The following MAGI2 variants were observed in gnomAD, a reference collection of about 807,000 sequenced individuals.
MAGI2 encodes the protein membrane associated guanylate kinase, WW and PDZ domain containing 2, also known as membrane-associated guanylate kinase, WW and PDZ domain-containing protein 2.
In MAGI2, 35 loss-of-function variants were observed where a neutral mutation model predicts 133.3. The ratio of observed to expected loss-of-function variants is 0.26; its 90% CI spans 0.20 to 0.35. The LOEUF (loss-of-function observed/expected upper bound fraction) is 0.35. MAGI2 is among the 10% of genes least tolerant of loss of function. The probability of loss-of-function intolerance (pLI) is 1.00; values close to 1 mark genes in which losing one functional copy is unlikely to be tolerated. For synonymous variants in MAGI2, 729 were observed against 710.6 expected, an observed-to-expected ratio of 1.03 and a Z score of -0.41; for missense variants, 1,636 against 1,863.4, an observed-to-expected ratio of 0.88 and a Z score of 2.25.
At chr7:78,360,942 T>C (rs1792716958) in intron 7 of MAGI2, among the ~76,000 whole-genome samples, 1 of 152,180 alleles carries the variant, frequency 6.6e-6, no homozygotes, top group African/African-American at 2.4e-5. Context: ...CTGCCCTCTC[T>C]TCCTGGGACG....
intron 3 of MAGI2, among the ~76,000 whole-genome samples, chr7:78,550,142 T>A (rs1296895184): frequency 6.6e-6 from 1 of 152,166 alleles, no homozygotes; most frequent in East Asian, 1.9e-4. Context: ...TCTTGGACTT[T>A]CCAGCCTCCA....
At chr7:78,261,753 G>A (rs1219150262) in intron 9 of MAGI2, among the ~76,000 whole-genome samples, 1 of 152,056 alleles carries the variant, frequency 6.6e-6, no homozygotes, top group African/African-American at 2.4e-5. Flanking sequence ...TATTTTTAAA[G>A]TTTCCTCTCG....
chr7:78,355,346 A>G (rs1791961315), intron 7 of MAGI2, among the ~76,000 whole-genome samples: 1 of 152,232 alleles, frequency 6.6e-6, no homozygotes, highest in African/African-American at 2.4e-5. Context: ...TCAGATTTAA[A>G]TTCTGTTTAA....
At chr7:79,234,552 C>A (rs1831699170) in intron 1 of MAGI2, among the ~76,000 whole-genome samples, 1 of 151,994 alleles carries the variant, frequency 6.6e-6, no homozygotes, top group Admixed American at 6.5e-5. Flanking sequence ...TTTCATCTTC[C>A]ATTGCTGACA....
At chr7:78,237,173 C>T (rs12672060) in intron 10 of MAGI2, among the ~76,000 whole-genome samples, 44,426 of 152,034 alleles carry the variant, frequency 0.29, 7,564 homozygotes, top group Non-Finnish European at 0.37. Flanking sequence ...CCCTCTTTCA[C>T]CAGTATTTAG....
chr7:78,545,575 A>AG (rs1798765717), intron 3 of MAGI2, among the ~76,000 whole-genome samples: 1 of 152,178 alleles, frequency 6.6e-6, no homozygotes, highest in Non-Finnish European at 1.5e-5. Context: ...AGAGACCTGA[A>AG]GGGCTATCAT....
chr7:78,237,339 G>A (rs113013069), intron 10 of MAGI2, among the ~76,000 whole-genome samples: 1 of 152,164 alleles, frequency 6.6e-6, no homozygotes, highest in South Asian at 2.1e-4. Context: ...GAGGGTACAT[G>A]TGCAGGTTTG....
chr7:79,212,699 T>A (rs1391437111), intron 1 of MAGI2, among the ~76,000 whole-genome samples: 1 of 152,088 alleles, frequency 6.6e-6, no homozygotes, highest in African/African-American at 2.4e-5. Flanking sequence ...TCTCTTTTAT[T>A]CTAATAAATC....
intron 2 of MAGI2, among the ~76,000 whole-genome samples, chr7:78,880,088 C>A (rs1418123514): frequency 6.6e-6 from 1 of 151,960 alleles, no homozygotes; most frequent in Admixed American, 6.6e-5. Context: ...GCAACCAAAC[C>A]TATAAATTAC....
intron 2 of MAGI2, among the ~76,000 whole-genome samples, chr7:78,894,270 C>T (rs570573659): frequency 1.3e-5 from 2 of 152,058 alleles, no homozygotes; most frequent in Non-Finnish European, 2.9e-5. Flanking sequence ...CGTGGTGGCA[C>T]GTGTGCCTGT....
At chr7:78,258,710 G>T (rs1174753820) in intron 9 of MAGI2, among the ~76,000 whole-genome samples, 1 of 152,028 alleles carries the variant, frequency 6.6e-6, no homozygotes, top group Non-Finnish European at 1.5e-5. Context: ...TTAATATTCT[G>T]TAACTTTTCT....
intron 1 of MAGI2, among the ~76,000 whole-genome samples, chr7:79,073,700 C>T (rs1042849517): frequency 1.3e-5 from 2 of 151,816 alleles, no homozygotes; most frequent in Non-Finnish European, 1.5e-5. Flanking sequence ...TTCCCATGTT[C>T]TCCTTTGTGT....
intron 2 of MAGI2, among the ~76,000 whole-genome samples, chr7:78,810,151 T>C (rs192869647): frequency 3.0e-4 from 46 of 152,282 alleles, no homozygotes; most frequent in East Asian, 7.7e-4. Context: ...AATTGGTATA[T>C]TGTTTTCCTG....
intron 1 of MAGI2, among the ~76,000 whole-genome samples, chr7:79,054,283 G>A (rs911709600): frequency 6.6e-6 from 1 of 151,850 alleles, no homozygotes; most frequent in Non-Finnish European, 1.5e-5. Flanking sequence ...AGAAAAAGTA[G>A]GAAATCATAA....
At chr7:79,113,395 T>C (rs1286436790) in intron 1 of MAGI2, among the ~76,000 whole-genome samples, 5 of 152,234 alleles carry the variant, frequency 3.3e-5, no homozygotes, top group Non-Finnish European at 5.9e-5. Context: ...TTCATTTTTG[T>C]TGGTTATACC....
At chr7:79,022,864 C>G (rs1261763003) in intron 1 of MAGI2, among the ~76,000 whole-genome samples, 1 of 152,072 alleles carries the variant, frequency 6.6e-6, no homozygotes, top group Non-Finnish European at 1.5e-5. Context: ...TCATAGAAAG[C>G]CTATGAACCA....
intron 2 of MAGI2, among the ~76,000 whole-genome samples, chr7:78,835,967 A>C (rs1791585581): frequency 6.6e-6 from 1 of 152,202 alleles, no homozygotes; most frequent in South Asian, 2.1e-4. Flanking sequence ...CAGCACCCAC[A>C]GATCTTTATT....
chr7:78,315,205 T>G (rs1043006180), intron 9 of MAGI2, among the ~76,000 whole-genome samples: 2 of 152,176 alleles, frequency 1.3e-5, no homozygotes, highest in Non-Finnish European at 2.9e-5. Context: ...GCATTTTGAT[T>G]TCATACAGCT....
intron 1 of MAGI2, among the ~76,000 whole-genome samples, chr7:79,151,922 G>C (rs1403759821): frequency 6.6e-6 from 1 of 152,098 alleles, no homozygotes; most frequent in African/African-American, 2.4e-5. Context: ...TGTGACAGTA[G>C]ATTGTGATAG....
Sources: gnomAD v4.1 joint callset for allele counts (sites outside exome capture counted in the v4.1 genomes callset) on GRCh38, gnomAD v4.1.1 for gene constraint, MANE v1.5 for transcripts, NCBI Gene and HGNC (gene_info 2026-07-23, HGNC 2026-07-21) for gene names.